The following MTMR7 variants were observed in gnomAD, a reference collection of about 807,000 sequenced individuals.
MTMR7 encodes the protein phosphatidylinositol-3-phosphate phosphatase MTMR7.
A neutral mutation model predicts 81.2 loss-of-function variants in MTMR7; 76 were observed. The ratio of observed to expected loss-of-function variants is 0.94; its 90% CI spans 0.78 to 1.13. The LOEUF (loss-of-function observed/expected upper bound fraction) is 1.13, where lower values mean the gene tolerates loss of function less well. Ranked by LOEUF, MTMR7 falls within the 50% of genes most tolerant of loss-of-function variation. The pLI is 0.00. For synonymous variants in MTMR7, 372 were observed against 289.8 expected, an observed-to-expected ratio of 1.28 and a Z score of -2.88; for missense variants, 1,044 against 820.0, an observed-to-expected ratio of 1.27 and a Z score of -3.34.
intron 11 of MTMR7, among the ~76,000 whole-genome samples, chr8:17,304,919 G>A (rs1817356378): frequency 6.6e-6 from 1 of 152,110 alleles, no homozygotes; most frequent in Admixed American, 6.6e-5. Flanking sequence ...TGAAGAAACT[G>A]AGGAATAGAG....
chr8:17,377,042 T>C (rs570424358), intron 1 of MTMR7, among the ~76,000 whole-genome samples: 2 of 150,348 alleles, frequency 1.3e-5, no homozygotes, highest in East Asian at 1.9e-4. Context: ...ATAATTGTTA[T>C]TTTGATTTGT....
chr8:17,407,973 G>A (rs1212096245), intron 1 of MTMR7, among the ~76,000 whole-genome samples: 3 of 152,148 alleles, frequency 2.0e-5, no homozygotes, highest in Non-Finnish European at 2.9e-5. Flanking sequence ...TTTGCCCACG[G>A]TGAAAACAGA....
At chr8:17,409,416 A>T (rs1346200326) in intron 1 of MTMR7, among the ~76,000 whole-genome samples, 1 of 123,428 alleles carries the variant, frequency 8.1e-6, no homozygotes, top group Non-Finnish European at 2.0e-5. Flanking sequence ...GTGAGCCAAG[A>T]TCACACCAGT....
At chr8:17,303,200 T>G (rs1817240571) in intron 12 of MTMR7, among the ~76,000 whole-genome samples, 1 of 152,184 alleles carries the variant, frequency 6.6e-6, no homozygotes, top group South Asian at 2.1e-4. Flanking sequence ...ATAAAATATG[T>G]GTTGACTAGC....
In MTMR7 at chr8:17,371,052, G is replaced by C. The variant is rs768108975; in HGVS notation, c.295C>G (p.Arg99Gly). ...TCTGCCCTACCTGGCCTTGCAAGGC[G>C]TATCAGGGAGATGTACACGTCGTGG... ...DCHDVYISLIRLARPVKYEEL... is the reference protein window; with the variant it reads ...DCHDVYISLIGLARPVKYEEL... Residue 99 changes from arginine to glycine, a missense_variant, in exon 3 of 14, where the codon CGC becomes GGC. Transcript: ENST00000180173. The C allele has an allele frequency of 6.2e-7, 1 of 1,613,538 alleles. No individual in the cohort carries two copies.
intron 7 of MTMR7, among the ~76,000 whole-genome samples, chr8:17,314,805 T>C (rs962442674): frequency 6.6e-6 from 1 of 152,226 alleles, no homozygotes; most frequent in African/African-American, 2.4e-5. Flanking sequence ...AGACCTGATA[T>C]GCAGTCGGTG....
chr8:17,339,345 T>C (rs772195100), intron 6 of MTMR7, among the ~76,000 whole-genome samples: 2 of 152,214 alleles, frequency 1.3e-5, no homozygotes, highest in South Asian at 4.1e-4. Flanking sequence ...CACAGAGTTG[T>C]GCAACCATCA....
At chr8:17,357,209 T>C (rs541823410) in intron 4 of MTMR7, among the ~76,000 whole-genome samples, 4 of 152,338 alleles carry the variant, frequency 2.6e-5, no homozygotes, top group African/African-American at 9.6e-5. Flanking sequence ...CCTTAGACAA[T>C]TACTTAATCT....
chr8:17,375,455 C>G (rs73208981), intron 1 of MTMR7, among the ~76,000 whole-genome samples: 12,136 of 150,880 alleles, frequency 0.08, 935 homozygotes, highest in East Asian at 0.33. Flanking sequence ...CATTCGACAA[C>G]AGTGCCCTTC....
rs1250774852 is a variant in MTMR7 at position 17,312,188 on chromosome 8, A to G, written c.976-552T>C. 2.6e-5 allele frequency among the ~76,000 whole-genome samples: 4 copies of G among 152,268 alleles called. No individual in the cohort carries two copies. The East Asian group carries it at 7.7e-4, about 29-fold the overall frequency. ...GCAAATGCACATCATTTTTTACTAAATATCTTGGCAGTTAACATACGCTGG... is the reference window on the plus strand; with the variant it reads ...GCAAATGCACATCATTTTTTACTAAGTATCTTGGCAGTTAACATACGCTGG... On this transcript the variant is annotated intron_variant, in intron 8 of 13. Coordinates refer to ENST00000180173, the MANE Select transcript of MTMR7 (RefSeq NM_004686.5).
intron 1 of MTMR7, among the ~76,000 whole-genome samples, chr8:17,402,620 C>A (rs985640195): frequency 2.0e-5 from 3 of 152,136 alleles, no homozygotes; most frequent in Non-Finnish European, 2.9e-5. Context: ...GAATAGTACT[C>A]CATTGTATAT....
At chr8:17,312,642 AG>A (rs1817854433) in intron 8 of MTMR7, among the ~76,000 whole-genome samples, 1 of 151,988 alleles carries the variant, frequency 6.6e-6, no homozygotes, top group African/African-American at 2.4e-5. Context: ...CTGTGAGGGA[AG>A]AGACTTGATC....
At chr8:17,371,284 AAAGAC>A (rs1437123252) in intron 2 of MTMR7, 85 bp from the exon 3 acceptor site, 3 of 1,464,570 alleles carry the variant, frequency 2.0e-6, no homozygotes, top group Non-Finnish European at 2.8e-6. Flanking sequence ...TGGCTCAAAG[AAAGAC>A]AAGAAACGCT....
intron 3 of MTMR7, among the ~76,000 whole-genome samples, chr8:17,361,665 T>G (rs1247375217): frequency 6.6e-6 from 1 of 152,158 alleles, no homozygotes; most frequent in Non-Finnish European, 1.5e-5. Flanking sequence ...CAAGCTTGGA[T>G]TTGGGATGGC....
chr8:17,395,075 T>A lies in MTMR7; in HGVS notation c.24+18194A>T, dbSNP rs565116833. ...CTCTCTAACTATTAAGCAAAAACCC[T>A]TATTTTCCCCTACCCTCAGTTCCTC... On this transcript the variant is annotated intron_variant, in intron 1 of 13. Coordinates refer to ENST00000180173, the MANE Select transcript of MTMR7 (RefSeq NM_004686.5). Among the ~76,000 whole-genome samples the A allele has an allele frequency of 1.1e-4, 17 of 152,290 alleles. No individual in the cohort carries two copies. The South Asian group carries it at 3.3e-3, about 30-fold the overall frequency.
intron 6 of MTMR7, among the ~76,000 whole-genome samples, chr8:17,333,421 C>T (rs1262479072): frequency 6.6e-6 from 1 of 152,058 alleles, no homozygotes; most frequent in Admixed American, 6.5e-5. Context: ...TTATAACAAG[C>T]ATCATAAATA....
intron 1 of MTMR7, among the ~76,000 whole-genome samples, chr8:17,400,048 G>A (rs1034215768): frequency 6.6e-6 from 1 of 151,968 alleles, no homozygotes; most frequent in African/African-American, 2.4e-5. Flanking sequence ...TGCTATTATG[G>A]CAGAGGAATA....
intron 12 of MTMR7, among the ~76,000 whole-genome samples, chr8:17,303,737 G>A (rs929051696): frequency 1.3e-5 from 2 of 151,868 alleles, no homozygotes; most frequent in African/African-American, 2.4e-5. Context: ...AGCCTCCCGA[G>A]TAGCTAGGAT....
chr8:17,386,462 G>A (rs1022814500), intron 1 of MTMR7, among the ~76,000 whole-genome samples: 9 of 152,206 alleles, frequency 5.9e-5, no homozygotes, highest in Admixed American at 3.3e-4. Context: ...TCTTATAGGA[G>A]CAAGAGACAG....
Sources: gnomAD v4.1 joint callset for allele counts (sites outside exome capture counted in the v4.1 genomes callset) on GRCh38, gnomAD v4.1.1 for gene constraint, MANE v1.5 for transcripts, NCBI Gene and HGNC (gene_info 2026-07-23, HGNC 2026-07-21) for gene names.